Variants in MARCHF3 observed in about 807,000 individuals in gnomAD.
The protein encoded by MARCHF3 is E3 ubiquitin-protein ligase MARCHF3.
Under a neutral mutation model 24.2 loss-of-function variants are expected in MARCHF3, and 13 were observed. The observed-to-expected ratio is 0.54, with a 90% CI of 0.35 to 0.85. The LOEUF (loss-of-function observed/expected upper bound fraction) is 0.85, where lower values mean the gene tolerates loss of function less well. MARCHF3 is among the 40% of genes least tolerant of loss of function. The probability of loss-of-function intolerance (pLI) is 0.01; values close to 1 mark genes in which losing one functional copy is unlikely to be tolerated. For missense variants in MARCHF3, 276 were observed against 325.0 expected (o/e 0.85, Z 1.16); for synonymous variants, 144 against 137.3 (o/e 1.05, Z -0.34).
chr5:126,972,970 A>G (rs1056534309), intron 1 of MARCHF3, among the ~76,000 whole-genome samples: 2 of 152,246 alleles, frequency 1.3e-5, no homozygotes, highest in African/African-American at 4.8e-5. Context: ...CACATGATAT[A>G]TCAGTTTAAA....
chr5:126,993,198 C>G (rs1751831458), intron 1 of MARCHF3, among the ~76,000 whole-genome samples: 3 of 152,188 alleles, frequency 2.0e-5, no homozygotes, highest in Admixed American at 6.5e-5. Context: ...ACTACAGCAA[C>G]AGGCAGACAG....
At chr5:126,886,788 C>T (rs917021904) in intron 3 of MARCHF3, among the ~76,000 whole-genome samples, 2 of 152,128 alleles carry the variant, frequency 1.3e-5, no homozygotes, top group African/African-American at 4.8e-5. Flanking sequence ...AAATAGATTC[C>T]TCTCTCAGGG....
intron 3 of MARCHF3, among the ~76,000 whole-genome samples, chr5:126,896,620 C>T (rs1181738636): frequency 1.3e-5 from 2 of 152,072 alleles, no homozygotes; most frequent in African/African-American, 4.8e-5. Context: ...GAAGCACCAG[C>T]TCTCCCTTTA....
At chr5:126,932,403 T>C (rs751883158) in intron 1 of MARCHF3, among the ~76,000 whole-genome samples, 5 of 152,236 alleles carry the variant, frequency 3.3e-5, no homozygotes, top group Non-Finnish European at 5.9e-5. Context: ...ACAGAGTCTT[T>C]AAAGTGTCTT....
chr5:127,026,077 T>A (rs1752986789), intron 1 of MARCHF3, among the ~76,000 whole-genome samples: 2 of 151,306 alleles, frequency 1.3e-5, no homozygotes, highest in Admixed American at 1.3e-4. Flanking sequence ...GAAAGTTAGA[T>A]GCCAGAAGAA....
intron 1 of MARCHF3, among the ~76,000 whole-genome samples, chr5:127,006,047 A>T (rs1752303254): frequency 6.6e-6 from 1 of 152,054 alleles, no homozygotes; most frequent in Admixed American, 6.5e-5. Flanking sequence ...ACTAAGAAAT[A>T]CAAAAATTAG....
chr5:126,995,507 C>CA (rs1323880526), intron 1 of MARCHF3, among the ~76,000 whole-genome samples: 5 of 152,282 alleles, frequency 3.3e-5, no homozygotes, highest in African/African-American at 1.2e-4. Flanking sequence ...TATGATGAAG[C>CA]AAAGTAATCT....
chr5:126,945,466 A>G (rs1280345160), intron 1 of MARCHF3, among the ~76,000 whole-genome samples: 1 of 152,236 alleles, frequency 6.6e-6, no homozygotes, highest in African/African-American at 2.4e-5. Flanking sequence ...GAGACTAAAT[A>G]ATGGCAGGAG....
chr5:126,892,131 T>G (rs1342104029), intron 3 of MARCHF3, among the ~76,000 whole-genome samples: 1 of 150,632 alleles, frequency 6.6e-6, no homozygotes, highest in African/African-American at 2.4e-5. Flanking sequence ...TTTTTGTACA[T>G]TGATTTTGTA....
At chr5:126,877,028 A>G (rs977816400) in intron 4 of MARCHF3, among the ~76,000 whole-genome samples, 1 of 152,212 alleles carries the variant, frequency 6.6e-6, no homozygotes, top group Non-Finnish European at 1.5e-5. Context: ...GTCTAAATTA[A>G]CCATAAGACT....
At chr5:126,959,349 C>G (rs1349157756) in intron 1 of MARCHF3, among the ~76,000 whole-genome samples, 3 of 151,978 alleles carry the variant, frequency 2.0e-5, no homozygotes, top group African/African-American at 7.3e-5. Flanking sequence ...CCAAACAGTC[C>G]CAAAAAAGGG....
intron 1 of MARCHF3, among the ~76,000 whole-genome samples, chr5:127,020,627 G>A (rs2126863431): frequency 6.6e-6 from 1 of 152,272 alleles, no homozygotes; most frequent in East Asian, 1.9e-4. Context: ...AAGTTGGGCA[G>A]ATCCCTTGAG....
intron 1 of MARCHF3, among the ~76,000 whole-genome samples, chr5:127,018,965 A>C (rs1752712321): frequency 6.6e-6 from 1 of 152,230 alleles, no homozygotes; most frequent in African/African-American, 2.4e-5. Flanking sequence ...AATGCTATGA[A>C]ATATAAAGTT....
intron 1 of MARCHF3, among the ~76,000 whole-genome samples, chr5:126,919,776 G>A (rs1394212494): frequency 6.6e-6 from 1 of 152,188 alleles, no homozygotes; most frequent in Admixed American, 6.5e-5. Context: ...GGCTGGCTTT[G>A]CACCAGCAGC....
rs1160097750 is a variant in MARCHF3 at position 126,869,596 on chromosome 5, T to TTTC, written c.*1036_*1037insGAA. ...GCTAGGACAGGCTTTTTTTTTTTTT[T>TTTC]TTTTTTTTGCCACATCTACCTGTCA... On this transcript the variant is annotated 3_prime_UTR_variant, in exon 5 of 5. Coordinates refer to ENST00000308660, the MANE Select transcript of MARCHF3 (RefSeq NM_178450.5). 3 of 145,950 alleles carry TTTC rather than the reference T, an allele frequency of 2.1e-5. No individual in the cohort carries two copies. Among genetic ancestry groups the TTTC allele is most frequent in the Admixed American group, 1.4e-4 (2 of 14,588 alleles). 9.0% of individuals were successfully genotyped at this position (145,950 alleles called of 1,614,324 possible). A position where few individuals can be genotyped will look rare whatever the true frequency, so the allele number is the denominator to read the frequency against.
At chr5:126,901,254 AT>A (rs1276675381) in intron 3 of MARCHF3, among the ~76,000 whole-genome samples, 1 of 152,164 alleles carries the variant, frequency 6.6e-6, no homozygotes, top group Non-Finnish European at 1.5e-5. Flanking sequence ...GTAAAACTAG[AT>A]TGCAAAGAAT....
intron 1 of MARCHF3, among the ~76,000 whole-genome samples, chr5:127,013,542 G>A (rs539292935): frequency 6.6e-6 from 1 of 152,202 alleles, no homozygotes; most frequent in East Asian, 1.9e-4. Context: ...ATCTACCCAA[G>A]TTATTAAGTG....
intron 2 of MARCHF3, among the ~76,000 whole-genome samples, chr5:126,916,231 T>C (rs1339320977): frequency 1.3e-5 from 2 of 152,192 alleles, no homozygotes; most frequent in African/African-American, 2.4e-5. Flanking sequence ...GGATGTCTTA[T>C]GTTGCTTGTG....
At chr5:126,952,120 T>C (rs1288535081) in intron 1 of MARCHF3, among the ~76,000 whole-genome samples, 1 of 152,178 alleles carries the variant, frequency 6.6e-6, no homozygotes, top group East Asian at 1.9e-4. Flanking sequence ...GTGCTGGGAC[T>C]ACAGATGTGA....
Sources: allele counts gnomAD v4.1 joint callset (sites outside exome capture counted in the v4.1 genomes callset), GRCh38; gene constraint gnomAD v4.1.1; transcripts MANE v1.5; gene names NCBI Gene and HGNC (gene_info 2026-07-23, HGNC 2026-07-21).